Variants in OSBPL10 observed in about 807,000 individuals in gnomAD.
OSBPL10 encodes oxysterol binding protein like 10, also known as oxysterol-binding protein-related protein 10.
In OSBPL10, 49 loss-of-function variants were observed where a neutral mutation model predicts 81.7. That is an observed-to-expected ratio of 0.60 (90% CI 0.48 to 0.76). The LOEUF is 0.76. Among genes scored for constraint, OSBPL10 ranks in the 30% least tolerant of loss-of-function variants. The pLI is 0.00. For missense variants in OSBPL10, 923 were observed against 987.8 expected (o/e 0.93, Z 0.88); for synonymous variants, 419 against 383.6 (o/e 1.09, Z -1.08).
intron 2 of OSBPL10, among the ~76,000 whole-genome samples, chr3:32,019,919 G>T (rs1010357795): frequency 1.3e-5 from 2 of 152,152 alleles, no homozygotes; most frequent in Non-Finnish European, 2.9e-5. Flanking sequence ...TGTGGTGAGG[G>T]TGCTGCTCTG....
At chr3:31,813,891 C>T (rs947360648) in intron 4 of OSBPL10, among the ~76,000 whole-genome samples, 7 of 152,182 alleles carry the variant, frequency 4.6e-5, no homozygotes, top group Non-Finnish European at 8.8e-5. Context: ...TTCTTAGGCA[C>T]GCATGTACAT....
chr3:31,761,268 T>G (rs1698029356), intron 4 of OSBPL10, among the ~76,000 whole-genome samples: 3 of 151,070 alleles, frequency 2.0e-5, no homozygotes, highest in African/African-American at 2.4e-5. Flanking sequence ...GGTCAGGAGT[T>G]CAAGGCCAGC....
At chr3:31,901,006 G>T (rs1696220724) in intron 1 of OSBPL10, among the ~76,000 whole-genome samples, 1 of 152,174 alleles carries the variant, frequency 6.6e-6, no homozygotes, top group Non-Finnish European at 1.5e-5. Context: ...CTCTATCTCT[G>T]CAACTCTACT....
chr3:31,915,796 C>G (rs78631780), intron 1 of OSBPL10, among the ~76,000 whole-genome samples: 2 of 152,104 alleles, frequency 1.3e-5, no homozygotes, highest in Non-Finnish European at 2.9e-5. Context: ...ACGCAACACC[C>G]TTTAAGAGAA....
intron 4 of OSBPL10, among the ~76,000 whole-genome samples, chr3:31,755,542 G>A (rs934972141): frequency 3.3e-5 from 5 of 152,226 alleles, no homozygotes; most frequent in Non-Finnish European, 5.9e-5. Flanking sequence ...TATTGAGGCT[G>A]ACCGTCACTA....
At chr3:31,792,858 C>CTGTG (rs1491358894) in intron 4 of OSBPL10, among the ~76,000 whole-genome samples, 15 of 85,952 alleles carry the variant, frequency 1.7e-4, no homozygotes, top group Admixed American at 4.9e-4. Flanking sequence ...TATCTAGGCA[C>CTGTG]TCTGTGTGTG....
chr3:31,683,314 C>CT (rs1256430527), intron 8 of OSBPL10, among the ~76,000 whole-genome samples: 8 of 152,260 alleles, frequency 5.3e-5, no homozygotes, highest in African/African-American at 1.9e-4. Flanking sequence ...GAGGCCAACT[C>CT]TTATATTCAT....
At chr3:32,036,712 C>T (rs935244333) in intron 2 of OSBPL10, among the ~76,000 whole-genome samples, 1 of 151,828 alleles carries the variant, frequency 6.6e-6, no homozygotes, top group African/African-American at 2.4e-5. Flanking sequence ...AGTCCCACCA[C>T]TTTGGGAGTC....
chr3:31,822,156 T>C (rs955885817), intron 4 of OSBPL10: 1 of 152,242 alleles, frequency 6.6e-6, no homozygotes, highest in African/African-American at 2.4e-5. Context: ...TTATTTAAAA[T>C]CATATTAAAT....
At chr3:31,751,375 CAAAT>C (rs1358374316) in intron 4 of OSBPL10, among the ~76,000 whole-genome samples, 4 of 150,860 alleles carry the variant, frequency 2.7e-5, no homozygotes, top group African/African-American at 4.9e-5. Context: ...AACAAACAAA[CAAAT>C]AAAATAAAAT....
intron 1 of OSBPL10, among the ~76,000 whole-genome samples, chr3:31,909,691 A>T (rs183250322): frequency 7.9e-4 from 121 of 152,218 alleles, no homozygotes; most frequent in Middle Eastern, 6.8e-3. Flanking sequence ...GTGCACTGTG[A>T]CTGACATAAC....
chr3:31,904,707 G>A (rs1696352496), intron 1 of OSBPL10, among the ~76,000 whole-genome samples: 1 of 152,156 alleles, frequency 6.6e-6, no homozygotes, highest in African/African-American at 2.4e-5. Context: ...ACAGAGGATA[G>A]AGCGGGCTGA....
chr3:31,812,698 C>G (rs946385292), intron 4 of OSBPL10, among the ~76,000 whole-genome samples: 2 of 134,104 alleles, frequency 1.5e-5, no homozygotes, highest in African/African-American at 5.6e-5. Flanking sequence ...ATGCTGGAAT[C>G]TCTACACAGT....
intron 4 of OSBPL10, among the ~76,000 whole-genome samples, chr3:31,766,279 T>G (rs1429134040): frequency 6.6e-6 from 1 of 151,592 alleles, no homozygotes; most frequent in South Asian, 2.1e-4. Context: ...CAACATAGGG[T>G]CTTCCCTCTG....
intron 1 of OSBPL10, among the ~76,000 whole-genome samples, chr3:32,075,664 C>T (rs1035775286): frequency 1.3e-5 from 2 of 152,136 alleles, no homozygotes; most frequent in African/African-American, 2.4e-5. Flanking sequence ...CTTGAAGCAG[C>T]CCTGAGAGAC....
intron 7 of OSBPL10, among the ~76,000 whole-genome samples, chr3:31,695,961 A>G (rs531227964): frequency 4.6e-5 from 7 of 152,338 alleles, no homozygotes; most frequent in African/African-American, 9.6e-5. Flanking sequence ...GTATGCATAC[A>G]TACAGAGCGG....
At chr3:32,032,262 T>A (rs991427659) in intron 2 of OSBPL10, among the ~76,000 whole-genome samples, 2 of 151,774 alleles carry the variant, frequency 1.3e-5, no homozygotes, top group African/African-American at 4.8e-5. Context: ...CTACTAAAAA[T>A]ACAAAAATTA....
At chr3:31,857,357 A>G (rs1322330047) in intron 3 of OSBPL10, among the ~76,000 whole-genome samples, 3 of 152,212 alleles carry the variant, frequency 2.0e-5, no homozygotes, top group African/African-American at 7.2e-5. Flanking sequence ...TAGCAAGAAG[A>G]GGAGCCTAAT....
intron 2 of OSBPL10, chr3:31,988,854 AT>A (rs1219976256): frequency 1.7e-6 from 1 of 595,916 alleles, no homozygotes; most frequent in Non-Finnish European, 2.9e-6. Flanking sequence ...GACTGCAGCC[AT>A]GACCCACAGC....
Sources: allele counts gnomAD v4.1 joint callset (sites outside exome capture counted in the v4.1 genomes callset), GRCh38; gene constraint gnomAD v4.1.1; transcripts MANE v1.5; gene names NCBI Gene and HGNC (gene_info 2026-07-23, HGNC 2026-07-21).